Variants in DDX4 observed in about 807,000 individuals in gnomAD.
DDX4 encodes the protein probable ATP-dependent RNA helicase DDX4.
In DDX4, 25 loss-of-function variants were observed where a neutral mutation model predicts 100.0. The ratio of observed to expected loss-of-function variants is 0.25; its 90% CI spans 0.18 to 0.35. DDX4 has a LOEUF of 0.35. DDX4 is among the 10% of genes least tolerant of loss of function. The pLI is 1.00. For missense variants in DDX4, 635 were observed against 882.4 expected (o/e 0.72, Z 3.55); for synonymous variants, 259 against 275.7 (o/e 0.94, Z 0.60).
At chr5:55,749,765 G>C (rs747923146) in intron 3 of DDX4, among the ~76,000 whole-genome samples, 43 of 148,674 alleles carry the variant, frequency 2.9e-4, no homozygotes, top group Non-Finnish European at 4.7e-4. Context: ...GGGATTTTTT[G>C]CCCTCCCCTT....
At chr5:55,767,784 GTCT>G (rs1008492282) in intron 6 of DDX4, 94 bp from the exon 7 acceptor site, 2 of 775,084 alleles carry the variant, frequency 2.6e-6, no homozygotes, top group African/African-American at 3.5e-5. Context: ...AAAATATTTT[GTCT>G]TCTTACTAAT....
At chr5:55,762,455 A>G (rs940031696) in intron 4 of DDX4, among the ~76,000 whole-genome samples, 5 of 152,202 alleles carry the variant, frequency 3.3e-5, no homozygotes, top group East Asian at 1.9e-4. Context: ...AAGACTTCAC[A>G]TAATTGGTTT....
intron 17 of DDX4, 88 bp from the exon 18 acceptor site, chr5:55,798,338 T>C: frequency 2.2e-6 from 3 of 1,360,302 alleles, no homozygotes; most frequent in Non-Finnish European, 1.0e-6. Context: ...CTGATTAATA[T>C]TGAGATAACA....
At chr5:55,767,108 A>T in intron 6 of DDX4, 2 of 1,250,180 alleles carry the variant, frequency 1.6e-6, no homozygotes, top group Non-Finnish European at 2.1e-6. Context: ...GAAAGTTTGC[A>T]TATATTTAAG....
intron 6 of DDX4, 81 bp from the exon 7 acceptor site, chr5:55,767,800 A>C: frequency 2.1e-6 from 2 of 968,016 alleles, no homozygotes; most frequent in Non-Finnish European, 3.1e-6. Context: ...TTACTAATTT[A>C]TCTTGTGACA....
At chr5:55,788,029 A>G in intron 15 of DDX4, 29 bp downstream of exon 15, 1 of 1,557,580 alleles carries the variant, frequency 6.4e-7, no homozygotes, top group Non-Finnish European at 8.7e-7. Flanking sequence ...TACTCACAAA[A>G]TAGTTTTTTC....
chr5:55,766,888 C>T, intron 6 of DDX4: 1 of 1,515,416 alleles, frequency 6.6e-7, no homozygotes, highest in Non-Finnish European at 8.8e-7. Context: ...AGAACTTTTA[C>T]ATTTCGAAAA....
Position 55,754,184 on chromosome 5 carries a change from C to T in DDX4, c.128-6016C>T, listed in dbSNP as rs891377480. ...TTTATTTCCTTCTCCTGCCTAATTG[C>T]CCTGGCCAGAACTTCCAACACTATG... On this transcript the variant is annotated intron_variant, in intron 3 of 21. Transcript: ENST00000505374. 1.5e-3 allele frequency among the ~76,000 whole-genome samples: 228 copies of T among 150,206 alleles called. 2 individuals carry two copies. Among genetic ancestry groups the T allele is most frequent in the African/African-American group, 5.4e-3 (220 of 40,956 alleles).
intron 16 of DDX4, among the ~76,000 whole-genome samples, chr5:55,791,002 C>T (rs946338619): frequency 6.6e-6 from 1 of 152,108 alleles, no homozygotes; most frequent in Non-Finnish European, 1.5e-5. Flanking sequence ...ATTCCAGAAT[C>T]CATATTCTAC....
intron 4 of DDX4, among the ~76,000 whole-genome samples, chr5:55,762,908 G>A (rs1028248527): frequency 6.6e-6 from 1 of 152,164 alleles, no homozygotes; most frequent in Admixed American, 6.5e-5. Context: ...CTATGGAGCA[G>A]AATTTTCCTG....
chr5:55,744,896 G>T (rs1307478615), intron 2 of DDX4, among the ~76,000 whole-genome samples: 1 of 151,328 alleles, frequency 6.6e-6, no homozygotes, highest in African/African-American at 2.4e-5. Context: ...TTGAGATGGT[G>T]TGAGACAGTG....
At chr5:55,762,490 T>C (rs1435909008) in intron 4 of DDX4, among the ~76,000 whole-genome samples, 3 of 152,106 alleles carry the variant, frequency 2.0e-5, no homozygotes, top group African/African-American at 7.2e-5. Flanking sequence ...TGAATTTTGA[T>C]AAGACAAATA....
intron 3 of DDX4, among the ~76,000 whole-genome samples, chr5:55,752,352 G>T (rs1423679547): frequency 8.8e-6 from 1 of 113,768 alleles, no homozygotes; most frequent in East Asian, 2.7e-4. Flanking sequence ...CCCCACAACA[G>T]TCCCCAGAGT....
In DDX4 at chr5:55,763,266, T is replaced by G. The variant is rs780048192; in HGVS notation, c.283+14T>G. 1 of 1,517,520 alleles carries G rather than the reference T, an allele frequency of 6.6e-7. No individual in the cohort carries two copies. Among genetic ancestry groups the G allele is most frequent in the South Asian group, 1.1e-5 (1 of 89,058 alleles). 94.0% of individuals were successfully genotyped at this position (1,517,520 alleles called of 1,614,324 possible). On this transcript the variant is annotated intron_variant, in intron 5 of 21. Transcript: ENST00000505374. ...TTGGAAACAGAGGTAATTACTTGGT[T>G]ATGATATCTTACAATCAAAACTTGA...
chr5:55,770,649 T>C (rs1038670635), intron 7 of DDX4, among the ~76,000 whole-genome samples: 3 of 152,156 alleles, frequency 2.0e-5, no homozygotes, highest in African/African-American at 7.2e-5. Flanking sequence ...CTTTGCCCAT[T>C]AGGTAGGTAG....
At chr5:55,749,274 T>A (rs1759412090) in intron 3 of DDX4, among the ~76,000 whole-genome samples, 1 of 151,958 alleles carries the variant, frequency 6.6e-6, no homozygotes, top group South Asian at 2.1e-4. Flanking sequence ...TACAAAAAAT[T>A]TTTAAAAATT....
intron 7 of DDX4, among the ~76,000 whole-genome samples, chr5:55,770,771 G>A (rs1220477177): frequency 2.0e-5 from 3 of 151,996 alleles, no homozygotes; most frequent in African/African-American, 7.2e-5. Flanking sequence ...GTGGTGGTGG[G>A]GAGAAAGTTA....
At chr5:55,798,940 C>T (rs563736276) in intron 18 of DDX4, among the ~76,000 whole-genome samples, 1 of 152,294 alleles carries the variant, frequency 6.6e-6, no homozygotes, top group South Asian at 2.1e-4. Flanking sequence ...CTAGCTCTTG[C>T]TTCCTAAGGC....
At chr5:55,813,890 G>C in intron 19 of DDX4, 118 bp downstream of exon 19, 2 of 1,199,020 alleles carry the variant, frequency 1.7e-6, no homozygotes, top group African/African-American at 1.6e-5. Flanking sequence ...AATTCTCTCA[G>C]ATCTAAACTG....
Sources: gnomAD v4.1 joint callset for allele counts (sites outside exome capture counted in the v4.1 genomes callset) on GRCh38, gnomAD v4.1.1 for gene constraint, MANE v1.5 for transcripts, NCBI Gene and HGNC (gene_info 2026-07-23, HGNC 2026-07-21) for gene names.